SYNE1: variants seen among roughly 807,000 people sequenced by gnomAD.
SYNE1 encodes spectrin repeat containing nuclear envelope protein 1.
SYNE1 carries 616 observed loss-of-function variants against 1,111.0 expected under a neutral mutation model. That is an observed-to-expected ratio of 0.55 (90% CI 0.52 to 0.59). The LOEUF (loss-of-function observed/expected upper bound fraction) is 0.59, where lower values mean the gene tolerates loss of function less well. SYNE1 is among the 20% of genes least tolerant of loss of function. The probability of loss-of-function intolerance (pLI) is 0.00; values close to 1 mark genes in which losing one functional copy is unlikely to be tolerated. For missense variants in SYNE1, 10,006 were observed against 10,417.0 expected (o/e 0.96, Z 1.72); for synonymous variants, 3,855 against 3,825.8 (o/e 1.01, Z -0.28).
At position 152,253,849 on chromosome 6, in the gene SYNE1, T is replaced by G. The variant is rs1169907333; in HGVS notation, c.19470+1031A>C. The stretch of plus-strand genomic sequence containing the variant: ...TTTTTTTTTTTTTTTTTTTTTTTTT[T>G]TTTTTTTTTTTGCAAATCAAAACTC... On this transcript the variant is annotated intron_variant, in intron 104 of 145. Coordinates refer to ENST00000367255, the MANE Select transcript of SYNE1 (RefSeq NM_182961.4). Among the ~76,000 whole-genome samples the G allele has an allele frequency of 6.5e-4, 70 of 107,362 alleles. 1 individual carries two copies. In the Middle Eastern group the frequency reaches 0.015, roughly 22 times the overall value. The allele number at this position is 107,362 out of a possible 152,430, so 70.4% of individuals were successfully genotyped here.
chr6:152,597,351 C>T (rs1182979169), intron 3 of SYNE1, among the ~76,000 whole-genome samples: 4 of 152,218 alleles, frequency 2.6e-5, no homozygotes, highest in South Asian at 2.1e-4. Flanking sequence ...GATCAGGGCT[C>T]ACTGCAGCCT....
Position 152,399,750 on chromosome 6 carries a change from C to A in SYNE1, c.7103G>T (p.Arg2368Leu). The A allele has an allele frequency of 6.2e-7, 1 of 1,614,060 alleles. No individual in the cohort carries two copies. Among genetic ancestry groups the A allele is most frequent in the African/African-American group, 1.3e-5 (1 of 75,006 alleles). ...STQENLNSLC[R>L]KYHSAELESL... is the part of the protein sequence containing the mutation. ...CTCCAACTCAGCTGAGTGGTACTTG[C>A]GGCACAAGCTATTGAGATTTTCTTG... Residue 2368 changes from arginine (R) to leucine (L), a missense_variant, in exon 48 of 146, where the codon CGC (arginine) becomes CTC (leucine). Physicochemically the swap from Arg to Leu is moderately radical, Grantham distance 102 (BLOSUM62 -2). Coordinates refer to ENST00000367255, the MANE Select transcript of SYNE1 (RefSeq NM_182961.4).
chr6:152,534,209 TAAATAAATA>T (rs2099222147), intron 4 of SYNE1, among the ~76,000 whole-genome samples: 1 of 151,960 alleles, frequency 6.6e-6, no homozygotes, highest in Non-Finnish European at 1.5e-5. Flanking sequence ...AATGAATAAA[TAAATAAATA>T]AAATAATATA....
intron 81 of SYNE1, among the ~76,000 whole-genome samples, chr6:152,324,532 G>A (rs1012898521): frequency 2.0e-5 from 3 of 152,198 alleles, no homozygotes; most frequent in African/African-American, 2.4e-5. Flanking sequence ...GGTGGCTCAC[G>A]CCTGTAATCC....
rs772587027 is a variant in SYNE1, at chr6:152,321,363, G to A, written c.16111C>T (p.Arg5371Ter). 7.4e-6 allele frequency: 12 copies of A among 1,613,616 alleles called. No homozygotes were observed. Among genetic ancestry groups the A allele is most frequent in the East Asian group, 6.7e-5 (3 of 44,802 alleles). Reference protein sequence around the residue: ...QILLTEATNHRQNIEKMAEEQ... With the variant: ...QILLTEATNH ...TCTGCCATTTTTTCAATGTTCTGTC[G>A]GTGATTTGTGGCTTCTGTTAGGAGA... Residue 5371 changes from arginine to a stop codon, truncating the protein, a stop_gained, in exon 84 of 146, where the codon CGA becomes TGA. Coordinates refer to ENST00000367255, the MANE Select transcript of SYNE1 (RefSeq NM_182961.4). LOFTEE classifies it high-confidence loss of function.
intron 11 of SYNE1, among the ~76,000 whole-genome samples, chr6:152,491,019 G>A (rs370958591): frequency 1.4e-4 from 21 of 152,308 alleles, no homozygotes; most frequent in African/African-American, 4.1e-4. Flanking sequence ...AAACTCCAGC[G>A]TGGGTCACGG....
chr6:152,178,910 CTTTTTT>C (rs750037655), intron 129 of SYNE1, among the ~76,000 whole-genome samples: 1 of 115,566 alleles, frequency 8.7e-6, no homozygotes. Context: ...TCACCCAATT[CTTTTTT>C]TTTTTTTTTT....
intron 45 of SYNE1, among the ~76,000 whole-genome samples, chr6:152,405,565 A>G (rs2097885757): frequency 6.6e-6 from 1 of 152,246 alleles, no homozygotes; most frequent in Non-Finnish European, 1.5e-5. Flanking sequence ...ATTCAATGGA[A>G]CTTATTTTGT....
At chr6:152,202,346 C>CAAAAAAAAAAAAAAAAAAAAAAAAAAAAA (rs35563822) in intron 126 of SYNE1, among the ~76,000 whole-genome samples, 1 of 48,042 alleles carries the variant, frequency 2.1e-5, no homozygotes, top group Non-Finnish European at 3.9e-5. Context: ...GACTCTGTCT[C>CAAAAAAAAAAAAAAAAAAAAAAAAAAAAA]AAAAAAAAAA....
intron 10 of SYNE1, among the ~76,000 whole-genome samples, chr6:152,502,122 A>G (rs1264505980): frequency 2.6e-5 from 4 of 152,198 alleles, no homozygotes; most frequent in Non-Finnish European, 4.4e-5. Flanking sequence ...TTTGAGCAGC[A>G]TGAAAAATGT....
chr6:152,192,891 C>CT (rs981940515), intron 127 of SYNE1, among the ~76,000 whole-genome samples: 2 of 151,912 alleles, frequency 1.3e-5, no homozygotes, highest in Non-Finnish European at 2.9e-5. Flanking sequence ...TATTCCTGCC[C>CT]TTTTTGCTTT....
intron 34 of SYNE1, 138 bp from the exon 35 acceptor site, chr6:152,430,847 A>G: frequency 1.2e-6 from 1 of 831,360 alleles, no homozygotes. Flanking sequence ...AGCTGTGAGC[A>G]AACACCATGT....
intron 130 of SYNE1, among the ~76,000 whole-genome samples, chr6:152,174,751 G>A (rs1309282771): frequency 1.3e-5 from 2 of 152,182 alleles, no homozygotes; most frequent in South Asian, 4.1e-4. Flanking sequence ...CTTAGCCCCT[G>A]TATCTGTAAA....
chr6:152,363,303 G>A (rs1331072944), intron 63 of SYNE1, among the ~76,000 whole-genome samples: 2 of 147,384 alleles, frequency 1.4e-5, no homozygotes, highest in Admixed American at 6.7e-5. Context: ...GGCCATCCTG[G>A]CTAACACAGT....
At chr6:152,555,512 C>A (rs1423342969) in intron 3 of SYNE1, among the ~76,000 whole-genome samples, 3 of 152,036 alleles carry the variant, frequency 2.0e-5, no homozygotes, top group African/African-American at 7.3e-5. Flanking sequence ...GTGTAAGTAC[C>A]CTCTATGATG....
chr6:152,382,505 A>G (rs1174120628), intron 55 of SYNE1, among the ~76,000 whole-genome samples: 1 of 152,192 alleles, frequency 6.6e-6, no homozygotes, highest in African/African-American at 2.4e-5. Flanking sequence ...AATATAGATC[A>G]TTTGAAAGTA....
At chr6:152,431,749 A>T (rs1266517826) in intron 34 of SYNE1, among the ~76,000 whole-genome samples, 2 of 152,224 alleles carry the variant, frequency 1.3e-5, no homozygotes, top group Non-Finnish European at 1.5e-5. Flanking sequence ...ATTTCTGCCT[A>T]GTTGAGGCAA....
At chr6:152,340,419 C>T (rs1402000449) in intron 74 of SYNE1, among the ~76,000 whole-genome samples, 1 of 152,154 alleles carries the variant, frequency 6.6e-6, no homozygotes, top group Non-Finnish European at 1.5e-5. Flanking sequence ...ACAGTTGACT[C>T]CAAATAATTC....
At chr6:152,267,531 C>G (rs1344604494) in intron 100 of SYNE1, among the ~76,000 whole-genome samples, 1 of 152,162 alleles carries the variant, frequency 6.6e-6, no homozygotes, top group African/African-American at 2.4e-5. Context: ...TGCTGCAATT[C>G]CTCTATGACC....
Sources: allele counts gnomAD v4.1 joint callset (sites outside exome capture counted in the v4.1 genomes callset), GRCh38; gene constraint gnomAD v4.1.1; transcripts MANE v1.5; gene names NCBI Gene and HGNC (gene_info 2026-07-23, HGNC 2026-07-21).